Variants in FRK observed in about 807,000 individuals in gnomAD.
FRK encodes fyn related Src family tyrosine kinase, also known as tyrosine-protein kinase FRK.
In FRK, 51 loss-of-function variants were observed where a neutral mutation model predicts 56.4. The observed-to-expected ratio is 0.90, with a 90% CI of 0.72 to 1.14. The LOEUF (loss-of-function observed/expected upper bound fraction) is 1.14, where lower values mean the gene tolerates loss of function less well. Among genes scored for constraint, FRK ranks in the 50% most tolerant of loss-of-function variants. The probability of loss-of-function intolerance (pLI) is 0.00; values close to 1 mark genes in which losing one functional copy is unlikely to be tolerated. For synonymous variants in FRK, 245 were observed against 217.9 expected (o/e 1.12, Z -1.10); for missense variants, 570 against 601.4 (o/e 0.95, Z 0.55).
intron 1 of FRK, among the ~76,000 whole-genome samples, chr6:116,011,616 T>C (rs1191360881): frequency 6.6e-6 from 1 of 152,196 alleles, no homozygotes; most frequent in East Asian, 1.9e-4. Context: ...TTCATCACAG[T>C]TACACATGTT....
the FRK span, among the ~76,000 whole-genome samples, chr6:116,092,410 AC>A: frequency 1.3e-5 from 2 of 152,106 alleles, no homozygotes; most frequent in African/African-American, 4.8e-5. Context: ...TCTTTATAGG[AC>A]AGTGGTAAGG....
intron 5 of FRK, among the ~76,000 whole-genome samples, chr6:115,952,636 G>A (rs1283327854): frequency 1.3e-5 from 2 of 150,998 alleles, no homozygotes; most frequent in African/African-American, 4.9e-5. Flanking sequence ...TGTTTATTGC[G>A]GCACTATTCA....
chr6:116,005,732 G>A (rs1248629911), intron 1 of FRK, among the ~76,000 whole-genome samples: 1 of 152,142 alleles, frequency 6.6e-6, no homozygotes, highest in African/African-American at 2.4e-5. Context: ...TTTGATTATT[G>A]CAGAAACAAG....
chr6:115,985,442 A>AT (rs1774354618), intron 2 of FRK, among the ~76,000 whole-genome samples: 1 of 152,170 alleles, frequency 6.6e-6, no homozygotes, highest in African/African-American at 2.4e-5. Flanking sequence ...GGAATGATGA[A>AT]TGAGATCTCA....
intron 1 of FRK, among the ~76,000 whole-genome samples, chr6:116,004,649 C>T (rs1419727084): frequency 6.6e-6 from 1 of 152,118 alleles, no homozygotes; most frequent in East Asian, 1.9e-4. Flanking sequence ...AGTAATACCT[C>T]CACTTCTTAT....
At chr6:115,979,922 A>T (rs1774133757) in intron 2 of FRK, among the ~76,000 whole-genome samples, 2 of 152,050 alleles carry the variant, frequency 1.3e-5, no homozygotes, top group Admixed American at 6.6e-5. Flanking sequence ...CACACAATGG[A>T]CTCACCTAAT....
upstream of FRK, among the ~76,000 whole-genome samples, chr6:116,062,526 C>T (rs746520160): frequency 1.7e-4 from 25 of 150,964 alleles, no homozygotes; most frequent in Non-Finnish European, 2.1e-4. Flanking sequence ...TGTATTCAAA[C>T]CCAATTTGTA....
intron 5 of FRK, among the ~76,000 whole-genome samples, chr6:115,947,317 AGTGTGTGT>A (rs10577529): frequency 0.15 from 21,768 of 149,782 alleles, 1,576 homozygotes; most frequent in African/African-American, 0.19. Flanking sequence ...AGACTTAAAC[AGTGTGTGT>A]GTGTGTGTGT....
At chr6:115,956,308 G>A in intron 5 of FRK, 144 bp downstream of exon 5, 4 of 451,548 alleles carry the variant, frequency 8.9e-6, no homozygotes, top group Non-Finnish European at 1.5e-5. Context: ...TAGTAGTTGA[G>A]CCATTCAGTG....
At chr6:116,002,792 AC>A in intron 2 of FRK, 1 of 438,520 alleles carries the variant, frequency 2.3e-6, no homozygotes, top group Non-Finnish European at 4.7e-6. Context: ...ACCCTCGGCA[AC>A]ACCTGCCTCA....
chr6:116,049,144 A>G (rs1412016022), intron 1 of FRK, among the ~76,000 whole-genome samples: 2 of 151,864 alleles, frequency 1.3e-5, no homozygotes, highest in Non-Finnish European at 2.9e-5. Context: ...ATCTATTTCT[A>G]TTTCCCATTA....
intron 5 of FRK, among the ~76,000 whole-genome samples, chr6:115,947,285 T>C (rs542624989): frequency 1.3e-4 from 20 of 151,032 alleles, no homozygotes; most frequent in African/African-American, 4.9e-4. Flanking sequence ...ATAAATAGAG[T>C]CAAAAGAATT....
At chr6:116,051,678 A>G (rs1167190204) in intron 1 of FRK, among the ~76,000 whole-genome samples, 1 of 152,152 alleles carries the variant, frequency 6.6e-6, no homozygotes, top group African/African-American at 2.4e-5. Flanking sequence ...AATCTATATA[A>G]CTACCTTCCC....
chr6:115,953,090 T>A (rs554782015), intron 5 of FRK, among the ~76,000 whole-genome samples: 20 of 144,798 alleles, frequency 1.4e-4, no homozygotes, highest in Admixed American at 4.2e-4. Flanking sequence ...AAATAAAAAA[T>A]TTTTTAAAAA....
At chr6:116,028,652 C>T (rs1241324281) in intron 1 of FRK, among the ~76,000 whole-genome samples, 7 of 152,134 alleles carry the variant, frequency 4.6e-5, no homozygotes, top group Non-Finnish European at 1.0e-4. Flanking sequence ...ATTCACATAG[C>T]ATTCTTCCTG....
rs373320911 is a variant in FRK, at chr6:115,960,264, G to A, written c.800-3654C>T. 7.3e-5 allele frequency among the ~76,000 whole-genome samples: 11 copies of A among 150,212 alleles called. No individual in the cohort carries two copies. In the East Asian group the frequency reaches 1.6e-3, roughly 22 times the overall value. ...CAAGGGGTCAGGGAGTTCCCTTTCC[G>A]AGTCAAAGAAAGGGGTGACGGACGC... is the stretch of plus-strand genomic sequence containing the variant. On this transcript the variant is annotated intron_variant, in intron 4 of 7. Coordinates refer to ENST00000606080, the MANE Select transcript of FRK (RefSeq NM_002031.3).
chr6:116,082,351 G>C, the FRK span, among the ~76,000 whole-genome samples: 41 of 152,302 alleles, frequency 2.7e-4, no homozygotes, highest in Admixed American at 1.0e-3. Flanking sequence ...TATGCTTAAA[G>C]AAGCTCTCTG....
chr6:116,025,163 CAGA>C, intron 1 of FRK, among the ~76,000 whole-genome samples: 1 of 152,204 alleles, frequency 6.6e-6, no homozygotes, highest in East Asian at 1.9e-4. Flanking sequence ...AGTGAGGCCC[CAGA>C]AGATCTGTCA....
At chr6:116,061,564 G>A (rs1777625819), upstream of FRK, among the ~76,000 whole-genome samples, 1 of 143,036 alleles carries the variant, frequency 7.0e-6, no homozygotes, top group Admixed American at 7.1e-5. Flanking sequence ...TACTAACTTG[G>A]CAAGAACTCA....
Sources: gnomAD v4.1 joint callset for allele counts (sites outside exome capture counted in the v4.1 genomes callset) on GRCh38, gnomAD v4.1.1 for gene constraint, MANE v1.5 for transcripts, NCBI Gene and HGNC (gene_info 2026-07-23, HGNC 2026-07-21) for gene names.